Variants in SIPA1L3 observed in about 807,000 individuals in gnomAD.
SIPA1L3 encodes signal induced proliferation associated 1 like 3.
In SIPA1L3, 59 loss-of-function variants were observed where a neutral mutation model predicts 150.1. The observed-to-expected ratio is 0.39, with a 90% CI of 0.32 to 0.49. The LOEUF (loss-of-function observed/expected upper bound fraction) is 0.49. SIPA1L3 is among the 20% of genes least tolerant of loss of function. SIPA1L3 has a pLI of 0.86. For missense variants in SIPA1L3, 2,211 were observed against 2,489.5 expected (o/e 0.89, Z 2.38); for synonymous variants, 1,070 against 1,077.6 (o/e 0.99, Z 0.14).
chr19:37,982,722 A>G (rs1009382586), intron 1 of SIPA1L3, among the ~76,000 whole-genome samples: 1 of 152,188 alleles, frequency 6.6e-6, no homozygotes, highest in African/African-American at 2.4e-5. Context: ...CTGGCCTCCA[A>G]GGGCTGTATA....
intron 1 of SIPA1L3, among the ~76,000 whole-genome samples, chr19:37,973,158 A>G (rs1285818856): frequency 6.6e-6 from 1 of 151,510 alleles, no homozygotes; most frequent in East Asian, 1.9e-4. Flanking sequence ...AGGTCAGAAC[A>G]CGTGTTCTTC....
intron 1 of SIPA1L3, among the ~76,000 whole-genome samples, chr19:38,004,849 A>G (rs1967900129): frequency 6.9e-6 from 1 of 144,450 alleles, no homozygotes; most frequent in African/African-American, 2.5e-5. Flanking sequence ...CCACCTCTAG[A>G]TCTGCGTTAT....
intron 6 of SIPA1L3, among the ~76,000 whole-genome samples, chr19:38,104,334 C>T (rs1366833376): frequency 6.6e-6 from 1 of 152,234 alleles, no homozygotes; most frequent in African/African-American, 2.4e-5. Flanking sequence ...CTTTGCCTCT[C>T]TCGACCTCAG....
At chr19:37,928,128 G>A (rs1424284512) in intron 1 of SIPA1L3, among the ~76,000 whole-genome samples, 1 of 152,102 alleles carries the variant, frequency 6.6e-6, no homozygotes, top group Non-Finnish European at 1.5e-5. Context: ...GTTCTTTGAG[G>A]AATCTTCAAA....
intron 1 of SIPA1L3, among the ~76,000 whole-genome samples, chr19:38,010,893 A>T (rs1011686832): frequency 6.6e-6 from 1 of 152,182 alleles, no homozygotes; most frequent in African/African-American, 2.4e-5. Context: ...GTGAGTATTC[A>T]TCAAGATTGT....
chr19:38,193,889 C>T lies in SIPA1L3; in HGVS notation c.4840+109C>T, dbSNP rs553190010. ...GTCAAAGGCTAGAGGTCATCAGTGT[C>T]GGGGCCATCTCAGGGAGGAATGGGG... On this transcript the variant is annotated intron_variant, in intron 18 of 21. Transcript: ENST00000222345. The T allele has an allele frequency of 9.7e-4, 1,198 of 1,236,120 alleles. 3 individuals are homozygous for T. The highest frequency in any genetic ancestry group is 1.1e-3 in the Non-Finnish European group (995 of 939,762). The allele number at this position is 1,236,120 out of a possible 1,614,324, so 76.6% of individuals were successfully genotyped here. A position where few individuals can be genotyped will look rare whatever the true frequency, so the allele number is the denominator to read the frequency against.
At chr19:37,962,682 G>T (rs1179411310) in intron 1 of SIPA1L3, among the ~76,000 whole-genome samples, 1 of 151,866 alleles carries the variant, frequency 6.6e-6, no homozygotes, top group African/African-American at 2.4e-5. Context: ...TGTAGGGATG[G>T]GGTCTTCCTA....
chr19:38,141,632 A>G (rs914691414), intron 11 of SIPA1L3, among the ~76,000 whole-genome samples, 197 bp downstream of exon 11: 2 of 151,404 alleles, frequency 1.3e-5, no homozygotes, highest in Non-Finnish European at 1.5e-5. Context: ...TTGTCTGGGG[A>G]CCCAGTGCTG....
At chr19:37,918,340 A>G (rs1052593068) in intron 1 of SIPA1L3, among the ~76,000 whole-genome samples, 20 of 150,084 alleles carry the variant, frequency 1.3e-4, no homozygotes, top group Non-Finnish European at 2.7e-4. Context: ...GCTCACTACA[A>G]CCTCCACCTC....
intron 1 of SIPA1L3, among the ~76,000 whole-genome samples, chr19:37,975,794 C>G (rs1462100540): frequency 6.6e-6 from 1 of 151,996 alleles, no homozygotes; most frequent in Non-Finnish European, 1.5e-5. Flanking sequence ...TGGCTACCAC[C>G]CCCAGGAGGC....
chr19:37,987,223 C>A (rs113672055), intron 1 of SIPA1L3, among the ~76,000 whole-genome samples: 1 of 152,088 alleles, frequency 6.6e-6, no homozygotes, highest in Non-Finnish European at 1.5e-5. Flanking sequence ...CCACCGCGCC[C>A]GGACACATCT....
chr19:38,092,210 G>A (rs1184390772), intron 4 of SIPA1L3, among the ~76,000 whole-genome samples: 5 of 151,934 alleles, frequency 3.3e-5, no homozygotes, highest in South Asian at 2.1e-4. Context: ...AGTGATACCC[G>A]TGTCTCTAAA....
At chr19:38,005,810 G>T (rs75048474) in intron 1 of SIPA1L3, among the ~76,000 whole-genome samples, 301 of 152,378 alleles carry the variant, frequency 2.0e-3, no homozygotes, top group African/African-American at 7.0e-3. Context: ...CACTGTGGGA[G>T]GCTGAGGTGG....
chr19:38,202,704 T>C (rs1973116155), intron 20 of SIPA1L3, among the ~76,000 whole-genome samples: 1 of 152,180 alleles, frequency 6.6e-6, no homozygotes, highest in African/African-American at 2.4e-5. Context: ...CTTCGTCTCC[T>C]CCTCTGCAGA....
intron 2 of SIPA1L3, among the ~76,000 whole-genome samples, chr19:38,034,669 T>C (rs573359847): frequency 6.6e-6 from 1 of 152,166 alleles, no homozygotes; most frequent in Non-Finnish European, 1.5e-5. Flanking sequence ...CATCCGCCCC[T>C]GTGTAACTAA....
chr19:37,983,274 C>T (rs932578046), intron 1 of SIPA1L3, among the ~76,000 whole-genome samples: 1 of 152,212 alleles, frequency 6.6e-6, no homozygotes, highest in Non-Finnish European at 1.5e-5. Context: ...ACCCTGGAGC[C>T]ACGTGCTGGG....
At chr19:37,983,852 G>A (rs1296545899) in intron 1 of SIPA1L3, among the ~76,000 whole-genome samples, 2 of 145,994 alleles carry the variant, frequency 1.4e-5, no homozygotes, top group African/African-American at 5.1e-5. Flanking sequence ...GTTGCAGTGA[G>A]CCAAGATCAT....
intron 1 of SIPA1L3, among the ~76,000 whole-genome samples, chr19:37,920,230 T>C (rs1356208251): frequency 6.6e-6 from 1 of 152,064 alleles, no homozygotes; most frequent in Admixed American, 6.6e-5. Context: ...AGCTAATTTT[T>C]AATTTTTTTG....
chr19:38,080,717 C>G (rs1472557987), intron 2 of SIPA1L3, among the ~76,000 whole-genome samples: 1 of 151,900 alleles, frequency 6.6e-6, no homozygotes, highest in African/African-American at 2.4e-5. Flanking sequence ...CCTGTAATCC[C>G]AGCACTTTGG....
Sources: allele counts gnomAD v4.1 joint callset (sites outside exome capture counted in the v4.1 genomes callset), GRCh38; gene constraint gnomAD v4.1.1; transcripts MANE v1.5; gene names NCBI Gene and HGNC (gene_info 2026-07-23, HGNC 2026-07-21).